The following SEC14L5 variants were observed in gnomAD, a reference collection of about 807,000 sequenced individuals.
SEC14L5 encodes SEC14 like lipid binding 5.
SEC14L5 carries 96 observed loss-of-function variants against 84.6 expected under a neutral mutation model. The ratio of observed to expected loss-of-function variants is 1.13; its 90% confidence interval spans 0.96 to 1.34. The LOEUF is 1.34. Among genes scored for constraint, SEC14L5 ranks in the 40% most tolerant of loss-of-function variants. SEC14L5 has a pLI of 0.00. For synonymous variants in SEC14L5, 546 were observed against 383.4 expected (o/e 1.42, Z -4.95); for missense variants, 1,224 against 942.5 (o/e 1.30, Z -3.91).
intron 2 of SEC14L5, among the ~76,000 whole-genome samples, chr16:4,976,656 C>A (rs1372311608): frequency 6.6e-6 from 1 of 152,166 alleles, no homozygotes; most frequent in East Asian, 1.9e-4. Flanking sequence ...AGGATGGGGA[C>A]CCGTAAGAGG....
intron 11 of SEC14L5, among the ~76,000 whole-genome samples, chr16:5,005,317 A>T (rs2142525641): frequency 6.6e-6 from 1 of 151,976 alleles, no homozygotes; most frequent in African/African-American, 2.4e-5. Flanking sequence ...TCTGTCTCCG[A>T]AACAAAAACA....
intron 2 of SEC14L5, among the ~76,000 whole-genome samples, chr16:4,973,665 C>A (rs995857529): frequency 6.8e-6 from 1 of 147,204 alleles, no homozygotes; most frequent in Non-Finnish European, 1.5e-5. Context: ...TATGTGATTT[C>A]TTTTTTCTCT....
chr16:4,984,878 A>G (rs2908689), intron 2 of SEC14L5, among the ~76,000 whole-genome samples: 20,452 of 152,174 alleles, frequency 0.13, 1,523 homozygotes, highest in Non-Finnish European at 0.15. Context: ...CCATTTTAAA[A>G]TTGGGTCATC....
intron 2 of SEC14L5, among the ~76,000 whole-genome samples, chr16:4,962,651 G>A (rs1177450911): frequency 7.3e-6 from 1 of 137,778 alleles, no homozygotes; most frequent in African/African-American, 2.7e-5. Flanking sequence ...TCGTGCCATT[G>A]CACTCCAGCC....
chr16:5,003,624 G>GGGCCCCCC, intron 11 of SEC14L5, 51 bp downstream of exon 11: 2 of 305,312 alleles, frequency 6.6e-6, no homozygotes, highest in Non-Finnish European at 6.5e-6. Flanking sequence ...GGTGGGATGG[G>GGGCCCCCC]AGGGGTTCCG....
intron 2 of SEC14L5, among the ~76,000 whole-genome samples, chr16:4,971,996 G>C (rs1955285928): frequency 6.6e-6 from 1 of 151,924 alleles, no homozygotes; most frequent in South Asian, 2.1e-4. Context: ...GCTTCTGATA[G>C]GGCTGTAGAC....
chr16:5,009,812 G>A (rs1208303779), intron 14 of SEC14L5, among the ~76,000 whole-genome samples: 3 of 152,078 alleles, frequency 2.0e-5, no homozygotes, highest in East Asian at 3.9e-4. Context: ...CAGTATGGAC[G>A]AAGACCTTGA....
At chr16:4,973,880 C>T (rs1284242377) in intron 2 of SEC14L5, among the ~76,000 whole-genome samples, 2 of 151,864 alleles carry the variant, frequency 1.3e-5, no homozygotes, top group Non-Finnish European at 1.5e-5. Context: ...GATGGGGTTT[C>T]GCCATGTTGA....
At chr16:5,009,538 G>C (rs921055486) in intron 14 of SEC14L5, among the ~76,000 whole-genome samples, 4 of 152,014 alleles carry the variant, frequency 2.6e-5, no homozygotes, top group Non-Finnish European at 5.9e-5. Flanking sequence ...TGCCCAGGAT[G>C]ATCTTGAATG....
At chr16:4,970,035 C>T (rs1443419648) in intron 2 of SEC14L5, among the ~76,000 whole-genome samples, 1 of 152,168 alleles carries the variant, frequency 6.6e-6, no homozygotes, top group Non-Finnish European at 1.5e-5. Context: ...CCAGGCTGGT[C>T]TTGAACTGCT....
chr16:4,959,559 C>G (rs538966984), intron 2 of SEC14L5, among the ~76,000 whole-genome samples, 173 bp downstream of exon 2: 49 of 152,230 alleles, frequency 3.2e-4, no homozygotes, highest in African/African-American at 1.1e-3. Context: ...TCCAACCATC[C>G]TATCCTCGGC....
intron 5 of SEC14L5, 111 bp downstream of exon 5, chr16:4,991,006 C>G (rs1955548171): frequency 5.9e-6 from 5 of 841,658 alleles, no homozygotes; most frequent in East Asian, 6.1e-5. Context: ...TCAGTGTTAT[C>G]TGTTAAATGG....
intron 2 of SEC14L5, among the ~76,000 whole-genome samples, chr16:4,965,170 C>T (rs924313626): frequency 3.3e-5 from 5 of 152,304 alleles, no homozygotes; most frequent in African/African-American, 1.2e-4. Context: ...GGTTCATCCA[C>T]ATCTTAGCAT....
At chr16:4,978,652 G>C (rs1475560022) in intron 2 of SEC14L5, among the ~76,000 whole-genome samples, 1 of 151,752 alleles carries the variant, frequency 6.6e-6, no homozygotes, top group Non-Finnish European at 1.5e-5. Flanking sequence ...ACCCAGGCTG[G>C]AGTGCAGTGG....
At chr16:4,965,616 G>T (rs189464655) in intron 2 of SEC14L5, among the ~76,000 whole-genome samples, 2 of 112,362 alleles carry the variant, frequency 1.8e-5, no homozygotes, top group Admixed American at 1.4e-4. Context: ...AGCCGAGATA[G>T]CACCACTGCA....
At chr16:5,001,180 TG>T (rs1378421340) in intron 10 of SEC14L5, among the ~76,000 whole-genome samples, 1 of 151,206 alleles carries the variant, frequency 6.6e-6, no homozygotes, top group Non-Finnish European at 1.5e-5. Context: ...GATTTGAACC[TG>T]GGGTCCTGTC....
intron 8 of SEC14L5, 29 bp downstream of exon 8, chr16:4,997,073 G>A (rs746598366): frequency 7.2e-6 from 11 of 1,535,462 alleles, no homozygotes; most frequent in African/African-American, 1.4e-5. Context: ...ATCATGTATA[G>A]GGCATACTTT....
At chr16:4,958,675 G>A (rs1227497459) in intron 1 of SEC14L5, among the ~76,000 whole-genome samples, 1 of 152,230 alleles carries the variant, frequency 6.6e-6, no homozygotes, top group Non-Finnish European at 1.5e-5. Context: ...TGCACACCAG[G>A]GGAATTGCGT....
intron 2 of SEC14L5, among the ~76,000 whole-genome samples, chr16:4,976,418 C>G (rs144705209): frequency 1.3e-3 from 202 of 152,292 alleles, no homozygotes; most frequent in African/African-American, 4.5e-3. Context: ...CAAAGCACTG[C>G]AAATTCAGGG....
Sources: gnomAD v4.1 joint callset for allele counts (sites outside exome capture counted in the v4.1 genomes callset) on GRCh38, gnomAD v4.1.1 for gene constraint, MANE v1.5 for transcripts, NCBI Gene and HGNC (gene_info 2026-07-23, HGNC 2026-07-21) for gene names.